Variants in ADAM2 observed in about 807,000 individuals in gnomAD.
The protein encoded by ADAM2 is ADAM metallopeptidase domain 2.
Under a neutral mutation model 99.3 loss-of-function variants are expected in ADAM2, and 101 were observed. The observed-to-expected ratio is 1.02, with a 90% CI of 0.87 to 1.20. ADAM2 has a LOEUF of 1.20. ADAM2 is among the 50% of genes most tolerant of loss of function. The probability of loss-of-function intolerance (pLI) is 0.00; values close to 1 mark genes in which losing one functional copy is unlikely to be tolerated. For missense variants in ADAM2, 948 were observed against 878.7 expected, an observed-to-expected ratio of 1.08 and a Z score of -1.00; for synonymous variants, 323 against 287.6, an observed-to-expected ratio of 1.12 and a Z score of -1.25.
intron 7 of ADAM2, among the ~76,000 whole-genome samples, chr8:39,797,457 A>T (rs1019347911): frequency 6.6e-6 from 1 of 152,156 alleles, no homozygotes; most frequent in African/African-American, 2.4e-5. Flanking sequence ...GTAGCCTTGT[A>T]GTATGGTTTG....
chr8:39,766,451 T>G (rs1403606270), intron 14 of ADAM2, among the ~76,000 whole-genome samples: 1 of 151,976 alleles, frequency 6.6e-6, no homozygotes, highest in Admixed American at 6.6e-5. Context: ...TTTTTTTTTT[T>G]TCTTTTGAGG....
At position 39,760,746 on chromosome 8, in the gene ADAM2, A is replaced by T. The variant is rs546075470; in HGVS notation, c.1613+430T>A. Among the ~76,000 whole-genome samples the T allele has an allele frequency of 4.4e-4, 67 of 151,790 alleles. No homozygotes were observed. In the South Asian group the frequency reaches 0.011, roughly 25 times the overall value. On this transcript the variant is annotated intron_variant, in intron 15 of 20. Transcript: ENST00000265708. ...AAAAATAAAATAAAAAAATAAAAAA[A>T]AAACACATTTTGCTCCTTAAGCAGT...
chr8:39,765,059 A>AAATAAAT (rs1491192886), intron 14 of ADAM2, among the ~76,000 whole-genome samples: 2 of 150,910 alleles, frequency 1.3e-5, no homozygotes, highest in African/African-American at 4.9e-5. Flanking sequence ...ATAAATAAAT[A>AAATAAAT]AATAAATAAA....
chr8:39,821,858 T>C (rs545480320), intron 4 of ADAM2, among the ~76,000 whole-genome samples, 196 bp from the exon 5 acceptor site: 1 of 152,292 alleles, frequency 6.6e-6, no homozygotes, highest in East Asian at 1.9e-4. Flanking sequence ...AAAATGAGTA[T>C]ATTTTCATAT....
chr8:39,815,171 A>G (rs895467808), intron 6 of ADAM2, among the ~76,000 whole-genome samples: 3 of 152,128 alleles, frequency 2.0e-5, no homozygotes, highest in African/African-American at 7.2e-5. Flanking sequence ...ACTTATTCTA[A>G]TATAAAGCTG....
chr8:39,787,022 G>A lies in ADAM2; in HGVS notation c.843C>T (p.Thr281=), dbSNP rs370082987. The change falls in exon 10 of 21, where the codon ACC becomes ACT. Residue 281 remains threonine (T), a synonymous_variant. Coordinates refer to ENST00000265708, the MANE Select transcript of ADAM2 (RefSeq NM_001464.5). ...TTGCATCACACATCTTCCCTTGAAA[G>A]GTTGCACCAACATAATTTGACTTTT... is the stretch of plus-strand genomic sequence containing the variant. ...YREKSNYVGA[T]FQGKMCDANY... is the part of the protein sequence containing the mutation. 1.3e-6 allele frequency: 2 copies of A among 1,589,218 alleles called. No homozygotes were observed. Among genetic ancestry groups the A allele is most frequent in the Admixed American group, 1.7e-5 (1 of 57,622 alleles).
chr8:39,802,595 A>T (rs1804266872), intron 7 of ADAM2, among the ~76,000 whole-genome samples: 2 of 152,234 alleles, frequency 1.3e-5, no homozygotes, highest in African/African-American at 4.8e-5. Context: ...ACTTGGAATC[A>T]CTAAAAACGA....
At chr8:39,747,341 C>T (rs982959509) in intron 18 of ADAM2, among the ~76,000 whole-genome samples, 3 of 152,162 alleles carry the variant, frequency 2.0e-5, no homozygotes, top group African/African-American at 4.8e-5. Context: ...AGGCCACACT[C>T]GCAAATCTCT....
chr8:39,794,914 G>C (rs965925345), intron 7 of ADAM2, among the ~76,000 whole-genome samples: 1 of 151,980 alleles, frequency 6.6e-6, no homozygotes, highest in Non-Finnish European at 1.5e-5. Context: ...CAAGTCTTTG[G>C]AGTTGTCAGC....
intron 14 of ADAM2, among the ~76,000 whole-genome samples, chr8:39,765,043 A>G (rs1462060909): frequency 1.3e-5 from 2 of 148,852 alleles, no homozygotes; most frequent in Non-Finnish European, 1.5e-5. Context: ...ATAAATAAAT[A>G]AATAAATAAA....
At chr8:39,793,922 G>A (rs1308671555) in intron 7 of ADAM2, among the ~76,000 whole-genome samples, 1 of 152,144 alleles carries the variant, frequency 6.6e-6, no homozygotes, top group Non-Finnish European at 1.5e-5. Context: ...ATAGAGAAGT[G>A]AAATGGAAAT....
At chr8:39,745,645 T>A (rs1823411125) in intron 19 of ADAM2, among the ~76,000 whole-genome samples, 1 of 152,138 alleles carries the variant, frequency 6.6e-6, no homozygotes, top group Non-Finnish European at 1.5e-5. Context: ...TTAAGTCTTT[T>A]ATTACTTATT....
At chr8:39,819,850 T>C (rs1236839086) in intron 6 of ADAM2, among the ~76,000 whole-genome samples, 1 of 85,872 alleles carries the variant, frequency 1.2e-5, no homozygotes, top group Non-Finnish European at 2.3e-5. Flanking sequence ...CACACACATA[T>C]ATATCTCCTA....
At position 39,815,307 on chromosome 8, in the gene ADAM2, A is replaced by C. The variant is rs561868080; in HGVS notation, c.513+5695T>G. ...GTATAATGAAGGAACTGTAGATGAT[A>C]ATTCAAAATATTACACATAATAAAA... On this transcript the variant is annotated intron_variant, in intron 6 of 20. Transcript: ENST00000265708. Among the ~76,000 whole-genome samples the C allele has an allele frequency of 3.3e-5, 5 of 152,292 alleles. No homozygotes were observed. In the South Asian group the frequency reaches 8.3e-4, roughly 25 times the overall value.
chr8:39,818,321 AATT>A (rs1323028814), intron 6 of ADAM2, among the ~76,000 whole-genome samples: 1 of 152,108 alleles, frequency 6.6e-6, no homozygotes, highest in Non-Finnish European at 1.5e-5. Flanking sequence ...ATAAAAATGA[AATT>A]ATTATCTCAA....
intron 14 of ADAM2, among the ~76,000 whole-genome samples, chr8:39,765,560 CCAA>C (rs1413071767): frequency 1.2e-4 from 18 of 152,148 alleles, no homozygotes; most frequent in African/African-American, 4.3e-4. Flanking sequence ...TCGGAATACA[CCAA>C]CGATTGAGGA....
At chr8:39,838,008 G>T in intron 1 of ADAM2, 123 bp downstream of exon 1, 1 of 1,057,032 alleles carries the variant, frequency 9.5e-7, no homozygotes, top group Non-Finnish European at 1.4e-6. Context: ...GGATGAGCTT[G>T]GAATTGCTGA....
chr8:39,778,109 A>G (rs1409650747), intron 10 of ADAM2, among the ~76,000 whole-genome samples: 1 of 150,540 alleles, frequency 6.6e-6, no homozygotes, highest in Non-Finnish European at 1.5e-5. Flanking sequence ...TAAGAGTAAG[A>G]TGCTTATTAT....
chr8:39,810,462 C>T (rs1223231476), intron 6 of ADAM2, among the ~76,000 whole-genome samples: 3 of 152,152 alleles, frequency 2.0e-5, no homozygotes, highest in East Asian at 1.9e-4. Flanking sequence ...ACTCTCCACC[C>T]CAAATCAACA....
Sources: gnomAD v4.1 joint callset for allele counts (sites outside exome capture counted in the v4.1 genomes callset) on GRCh38, gnomAD v4.1.1 for gene constraint, MANE v1.5 for transcripts, NCBI Gene and HGNC (gene_info 2026-07-23, HGNC 2026-07-21) for gene names.